The following VSIR variants were observed in gnomAD, a reference collection of about 807,000 sequenced individuals.
VSIR encodes the protein V-set immunoregulatory receptor, also known as V-type immunoglobulin domain-containing suppressor of T-cell activation.
In VSIR, 10 loss-of-function variants were observed where a neutral mutation model predicts 31.0. The ratio of observed to expected loss-of-function variants is 0.32; its 90% CI spans 0.20 to 0.55. The LOEUF is 0.55. Ranked by LOEUF, VSIR falls within the 20% of genes least tolerant of loss-of-function variation. VSIR has a pLI of 0.93. For missense variants in VSIR, 356 were observed against 416.2 expected, an observed-to-expected ratio of 0.86 and a Z score of 1.26; for synonymous variants, 179 against 180.1, an observed-to-expected ratio of 0.99 and a Z score of 0.05.
At position 71,761,929 on chromosome 10, in the gene VSIR, C is replaced by G; in HGVS notation, c.180G>C (p.Val60=). 6.2e-7 allele frequency: 1 copy of G among 1,614,066 alleles called. No individual in the cohort carries two copies. Among genetic ancestry groups the G allele is most frequent in the South Asian group, 1.1e-5 (1 of 91,088 alleles). Residue 60 remains valine, a synonymous_variant, in exon 2 of 7, where the codon GTG becomes GTC. Coordinates refer to ENST00000394957, the MANE Select transcript of VSIR (RefSeq NM_022153.2). ...VTLTCRLLGP[V]DKGHDVTFYK... The stretch of plus-strand genomic sequence containing the variant: ...AGAAGGTCACATCGTGCCCTTTGTC[C>G]ACAGGGCCCAAGAGCCTGCAGGTGA...
chr10:71,759,878 CACACACATAT>C (rs1415744303), intron 3 of VSIR, among the ~76,000 whole-genome samples: 6 of 75,200 alleles, frequency 8.0e-5, no homozygotes, highest in Non-Finnish European at 1.0e-4. Context: ...TATATACACA[CACACACATAT>C]ACACACACAC....
At chr10:71,754,911 AG>A (rs1326070211) in intron 4 of VSIR, among the ~76,000 whole-genome samples, 2 of 152,216 alleles carry the variant, frequency 1.3e-5, no homozygotes, top group Non-Finnish European at 2.9e-5. Context: ...GGAAAAAGAA[AG>A]GGTTGAGCTA....
At chr10:71,755,166 C>T in intron 4 of VSIR, 193 bp downstream of exon 4, 1 of 672,144 alleles carries the variant, frequency 1.5e-6, no homozygotes, top group Non-Finnish European at 2.7e-6. Flanking sequence ...GGGCACTTGG[C>T]CCCCGGAAAT....
chr10:71,752,453 C>T (rs1840028485), intron 5 of VSIR, among the ~76,000 whole-genome samples: 1 of 152,146 alleles, frequency 6.6e-6, no homozygotes, highest in South Asian at 2.1e-4. Flanking sequence ...CTGAACACAC[C>T]CTCCAGGCCA....
intron 3 of VSIR, among the ~76,000 whole-genome samples, chr10:71,760,056 TATATATAC>T (rs1840296754): frequency 1.3e-5 from 1 of 76,568 alleles, no homozygotes; most frequent in Non-Finnish European, 2.9e-5. Flanking sequence ...CACACACACA[TATATATAC>T]ACACACACAT....
intron 2 of VSIR, 30 bp downstream of exon 2, chr10:71,761,568 G>A (rs755473957): frequency 9.1e-6 from 14 of 1,534,132 alleles, no homozygotes; most frequent in Middle Eastern, 2.2e-4. Context: ...CTCCACACAC[G>A]CCAGGCTGTC....
intron 1 of VSIR, among the ~76,000 whole-genome samples, chr10:71,768,544 T>C (rs7076317): frequency 0.36 from 54,088 of 151,870 alleles, 10,211 homozygotes; most frequent in South Asian, 0.48. Flanking sequence ...AATGAGATCA[T>C]AGCCCACTGT....
rs142695132 is a variant in VSIR, at chr10:71,761,615, T to G, written c.494A>C (p.Glu165Ala). The change falls in exon 2 of 7, where the codon GAG (glutamate) becomes GCG (alanine). Residue 165 changes from glutamate to alanine, a missense_variant. By Grantham distance (107) the Glu-to-Ala change is moderately radical. Around this residue, in one of 2 missense-constraint regions of VSIR, gnomAD observed 166 missense variants for 231.0 expected, o/e 0.72. Transcript: ENST00000394957. ...HSEHRVHGAM[E>A]LQVQTGKDAP... ...GCCCTCACCTGTCTGCACCTGCAGCTCCATGGCACCATGGACCCTGTGCTC... is the reference window on the plus strand; with the variant it reads ...GCCCTCACCTGTCTGCACCTGCAGCGCCATGGCACCATGGACCCTGTGCTC... The G allele has an allele frequency of 1.9e-6, 3 of 1,596,384 alleles. No homozygotes were observed. The African/African-American group carries it at 4.0e-5, about 21-fold the overall frequency.
chr10:71,769,410 C>G (rs947938705), intron 1 of VSIR, among the ~76,000 whole-genome samples: 12 of 152,262 alleles, frequency 7.9e-5, no homozygotes, highest in Admixed American at 5.9e-4. Context: ...GTGATACTGG[C>G]TTTCCACTAA....
chr10:71,758,245 A>G (rs1045340400), intron 3 of VSIR, among the ~76,000 whole-genome samples: 3 of 152,134 alleles, frequency 2.0e-5, no homozygotes, highest in Admixed American at 2.0e-4. Flanking sequence ...GTAGCCTTTG[A>G]GTTGGGTTTT....
intron 5 of VSIR, among the ~76,000 whole-genome samples, chr10:71,752,676 T>C (rs928440420): frequency 1.3e-5 from 2 of 152,124 alleles, no homozygotes; most frequent in Non-Finnish European, 2.9e-5. Context: ...CTCCTTTGCA[T>C]GTCTCACTGT....
intron 1 of VSIR, among the ~76,000 whole-genome samples, chr10:71,772,365 C>T (rs555659352): frequency 6.6e-5 from 10 of 152,342 alleles, no homozygotes; most frequent in African/African-American, 1.9e-4. Flanking sequence ...TGCCTCCCTC[C>T]GAGTCCCTGC....
At chr10:71,753,106 C>T (rs1840047821) in intron 4 of VSIR, 104 bp from the exon 5 acceptor site, 2 of 1,378,968 alleles carry the variant, frequency 1.5e-6, no homozygotes, top group South Asian at 2.5e-5. Flanking sequence ...GGAGCGAGCC[C>T]AGGAGGGCCC....
chr10:71,760,104 T>C (rs149320503), intron 3 of VSIR, among the ~76,000 whole-genome samples: 4,331 of 103,280 alleles, frequency 0.042, 1,240 homozygotes, highest in African/African-American at 0.15. Flanking sequence ...CACACACACA[T>C]ACATACATAT....
intron 1 of VSIR, among the ~76,000 whole-genome samples, chr10:71,769,111 G>A (rs1840627377): frequency 6.6e-6 from 1 of 152,164 alleles, no homozygotes. Context: ...TTTACTTTTG[G>A]TTTTACATTA....
At position 71,749,699 on chromosome 10, in the gene VSIR, A is replaced by G. The variant is rs1337613081; in HGVS notation, c.*1554T>C. ...TCAGTGGACCATTCCTTTGGGCCTAACTGGGGGGCTTAGAAGCAGGGCCAT... is the reference window on the plus strand; with the variant it reads ...TCAGTGGACCATTCCTTTGGGCCTAGCTGGGGGGCTTAGAAGCAGGGCCAT... On this transcript the variant is annotated 3_prime_UTR_variant, in exon 7 of 7. Coordinates refer to ENST00000394957, the MANE Select transcript of VSIR (RefSeq NM_022153.2). 1 of 152,468 alleles carries G rather than the reference A, an allele frequency of 6.6e-6. No homozygotes were observed. The highest frequency in any genetic ancestry group is 1.5e-5 in the Non-Finnish European group (1 of 68,230). The allele number at this position is 152,468 out of a possible 1,614,324, so 9.4% of individuals were successfully genotyped here.
chr10:71,769,961 C>A (rs1402966910), intron 1 of VSIR, among the ~76,000 whole-genome samples: 1 of 152,190 alleles, frequency 6.6e-6, no homozygotes, highest in Non-Finnish European at 1.5e-5. Flanking sequence ...CATCTCCTGA[C>A]AACTTTAAGA....
At chr10:71,760,758 G>A (rs560772103) in intron 3 of VSIR, 110 bp downstream of exon 3, 1 of 977,260 alleles carries the variant, frequency 1.0e-6, no homozygotes, top group Non-Finnish European at 1.6e-6. Flanking sequence ...AGGACCGGGG[G>A]GTTCTGAGGG....
chr10:71,771,620 A>G (rs1564785995), intron 1 of VSIR, among the ~76,000 whole-genome samples: 1 of 152,182 alleles, frequency 6.6e-6, no homozygotes, highest in African/African-American at 2.4e-5. Flanking sequence ...GAGCAATTCA[A>G]ATGCTTCTGG....
Sources: allele counts gnomAD v4.1 joint callset (sites outside exome capture counted in the v4.1 genomes callset), GRCh38; gene constraint gnomAD v4.1.1; regional missense constraint gnomAD v4.1.1; transcripts MANE v1.5; gene names NCBI Gene and HGNC (gene_info 2026-07-23, HGNC 2026-07-21).